The following ACVR1B variants were observed in gnomAD, a reference collection of about 807,000 sequenced individuals.
The protein encoded by ACVR1B is activin A receptor type 1B.
In ACVR1B, 15 loss-of-function variants were observed where a neutral mutation model predicts 55.6. The ratio of observed to expected loss-of-function variants is 0.27; its 90% CI spans 0.18 to 0.42. The LOEUF (loss-of-function observed/expected upper bound fraction) is 0.42. Among genes scored for constraint, ACVR1B ranks in the 10% least tolerant of loss-of-function variants. ACVR1B has a pLI of 1.00. For missense variants in ACVR1B, 359 were observed against 670.1 expected (o/e 0.54, Z 5.13); for synonymous variants, 247 against 254.6 (o/e 0.97, Z 0.28).
At chr12:51,978,416 AGGTTTCTAATAATGT>A (rs1941909807) in intron 3 of ACVR1B, among the ~76,000 whole-genome samples, 1 of 152,204 alleles carries the variant, frequency 6.6e-6, no homozygotes, top group African/African-American at 2.4e-5. Context: ...CCAAGGTGTT[AGGTTTCTAATAATGT>A]GGTTTTTAAA....
chr12:51,959,159 A>C (rs1226963230), intron 1 of ACVR1B, among the ~76,000 whole-genome samples: 2 of 152,356 alleles, frequency 1.3e-5, no homozygotes, highest in Admixed American at 1.3e-4. Flanking sequence ...TCAGGTATTC[A>C]GTCAAATGCT....
In ACVR1B at chr12:51,994,060, A is replaced by G; in HGVS notation, c.1468A>G (p.Ile490Val). ...NGAARLTALR[I>V]KKTLSQLSVQ... ...CGCAGCCCGCCTGACGGCCCTGCGC[A>G]TCAAGAAGACCCTCTCCCAGCTCAG... Residue 490 changes from isoleucine (I) to valine (V), a missense_variant, in exon 9 of 9, where the codon ATC (isoleucine) becomes GTC (valine). By Grantham distance (29) the Ile-to-Val change is conservative. This residue lies in a region of ACVR1B where 53 missense variants were observed against 78.5 expected (regional missense o/e 0.68). Transcript: ENST00000257963. The surrounding 1 kb of genome is among the most constrained non-coding windows in gnomAD (Gnocchi z 4.2). 6.2e-7 allele frequency: 1 copy of G among 1,614,136 alleles called. No individual in the cohort carries two copies. The highest frequency in any genetic ancestry group is 8.5e-7 in the Non-Finnish European group (1 of 1,180,044).
In ACVR1B at chr12:51,996,278, C is replaced by T. The variant is rs1266982604; in HGVS notation, c.*2168C>T. The T allele has an allele frequency of 6.6e-6, 1 of 152,634 alleles. No homozygotes were observed. Among genetic ancestry groups the T allele is most frequent in the Non-Finnish European group, 1.5e-5 (1 of 68,074 alleles). 9.5% of individuals were successfully genotyped at this position (152,634 alleles called of 1,614,324 possible). A position where few individuals can be genotyped will look rare whatever the true frequency, so the allele number is the denominator to read the frequency against. On this transcript the variant is annotated 3_prime_UTR_variant, in exon 9 of 9. Transcript: ENST00000257963. ...GTATGTAGCCTTAGAGCATCTCTGCCTCCAACCCAGCAGTTCTCTGCCAAA... is the reference window on the plus strand; with the variant it reads ...GTATGTAGCCTTAGAGCATCTCTGCTTCCAACCCAGCAGTTCTCTGCCAAA...
chr12:51,966,903 G>A (rs916989473), intron 1 of ACVR1B, among the ~76,000 whole-genome samples: 11 of 152,190 alleles, frequency 7.2e-5, no homozygotes, highest in Non-Finnish European at 1.3e-4. Context: ...TATAACTTGC[G>A]GAAGATTGCA....
At chr12:51,993,713 G>T (rs2854465) in intron 8 of ACVR1B, among the ~76,000 whole-genome samples, 2 of 143,866 alleles carry the variant, frequency 1.4e-5, no homozygotes, top group Non-Finnish European at 1.5e-5. Context: ...GTTGCGGTGA[G>T]CCAAGATTGC....
intron 7 of ACVR1B, among the ~76,000 whole-genome samples, chr12:51,989,976 T>TC (rs1942157736): frequency 7.0e-6 from 1 of 143,448 alleles, no homozygotes; most frequent in Admixed American, 6.9e-5. Flanking sequence ...CAGTGGAGAC[T>TC]CCGTCTCAAA....
intron 5 of ACVR1B, 81 bp downstream of exon 5, chr12:51,984,247 T>A (rs2120693295): frequency 6.6e-7 from 1 of 1,505,580 alleles, no homozygotes; most frequent in East Asian, 2.3e-5. Context: ...CTAGAATTCC[T>A]TTTTACTGAG....
At chr12:51,981,393 G>C (rs1941975235) in intron 4 of ACVR1B, among the ~76,000 whole-genome samples, 194 bp downstream of exon 4, 1 of 152,052 alleles carries the variant, frequency 6.6e-6, no homozygotes, top group Admixed American at 6.6e-5. Flanking sequence ...AAAAATCCAG[G>C]TTATCAAGCA....
intron 1 of ACVR1B, among the ~76,000 whole-genome samples, chr12:51,957,028 C>T (rs954435567): frequency 1.3e-5 from 2 of 152,104 alleles, no homozygotes; most frequent in Non-Finnish European, 2.9e-5. Flanking sequence ...CTGGGCTTCA[C>T]CTGCTGAGAT....
intron 3 of ACVR1B, 96 bp downstream of exon 3, chr12:51,976,671 TG>T (rs1438011123): frequency 1.1e-5 from 17 of 1,482,676 alleles, no homozygotes; most frequent in Non-Finnish European, 1.3e-5. Context: ...GCCCTGCATT[TG>T]TTTCTACCAG....
chr12:51,986,119 C>CCCAT (rs1942071380), intron 6 of ACVR1B, among the ~76,000 whole-genome samples: 1 of 152,156 alleles, frequency 6.6e-6, no homozygotes, highest in African/African-American at 2.4e-5. Context: ...TTAAGCTCAA[C>CCCAT]CCATCACTGT....
chr12:51,986,362 G>C (rs1942075957), intron 6 of ACVR1B, among the ~76,000 whole-genome samples: 1 of 152,214 alleles, frequency 6.6e-6, no homozygotes, highest in South Asian at 2.1e-4. Context: ...GGGTTCAAGT[G>C]ATTCTCCTGC....
At position 51,986,908 on chromosome 12, in the gene ACVR1B, A is replaced by T; in HGVS notation, c.1227A>T (p.Val409=). 6.2e-7 allele frequency: 1 copy of T among 1,614,202 alleles called. No homozygotes were observed. Among genetic ancestry groups the T allele is most frequent in the African/African-American group, 1.3e-5 (1 of 75,048 alleles). The change falls in exon 7 of 9, where the codon GTA becomes GTT. Residue 409 remains valine, a synonymous_variant. Coordinates refer to ENST00000257963, the MANE Select transcript of ACVR1B (RefSeq NM_004302.5). ...KCADIYALGL[V]YWEIARRCNS... Reference sequence around the variant, plus strand: ...CTGATATTTATGCCCTCGGGCTTGTATATTGGGAGATTGCTCGAAGATGCA... The same window carrying T: ...CTGATATTTATGCCCTCGGGCTTGTTTATTGGGAGATTGCTCGAAGATGCA...
intron 1 of ACVR1B, among the ~76,000 whole-genome samples, chr12:51,958,027 TGTG>T (rs1941446316): frequency 6.6e-6 from 1 of 152,162 alleles, no homozygotes; most frequent in Non-Finnish European, 1.5e-5. Flanking sequence ...TGGGAATGCA[TGTG>T]GTGGGTGTTT....
At chr12:51,960,402 A>T (rs1010630286) in intron 1 of ACVR1B, among the ~76,000 whole-genome samples, 1 of 152,178 alleles carries the variant, frequency 6.6e-6, no homozygotes, top group Non-Finnish European at 1.5e-5. Flanking sequence ...ACCCTGGGTG[A>T]CAGAGTGAGA....
chr12:51,989,383 C>G (rs2120735441), intron 7 of ACVR1B, among the ~76,000 whole-genome samples: 1 of 152,222 alleles, frequency 6.6e-6, no homozygotes, highest in East Asian at 1.9e-4. Context: ...CTCCTGGGTT[C>G]AAGCCAGTCT....
chr12:51,961,137 T>C (rs554142705), intron 1 of ACVR1B, among the ~76,000 whole-genome samples: 1 of 152,344 alleles, frequency 6.6e-6, no homozygotes, highest in Admixed American at 6.5e-5. Flanking sequence ...TCCTCTCTGC[T>C]TTTCCCCTCA....
chr12:51,956,071 ATCTT>A (rs1941403411), intron 1 of ACVR1B, among the ~76,000 whole-genome samples: 1 of 152,234 alleles, frequency 6.6e-6, no homozygotes, highest in South Asian at 2.1e-4. Flanking sequence ...TTCAGAGAGT[ATCTT>A]TCTTTCCTTT....
intron 4 of ACVR1B, among the ~76,000 whole-genome samples, chr12:51,981,480 C>T (rs1034879650): frequency 6.6e-6 from 1 of 152,196 alleles, no homozygotes; most frequent in Non-Finnish European, 1.5e-5. Context: ...TTTCTCCACT[C>T]CCCCAAACCC....
Sources: allele counts gnomAD v4.1 joint callset (sites outside exome capture counted in the v4.1 genomes callset), GRCh38; gene constraint gnomAD v4.1.1; regional missense constraint gnomAD v4.1.1; non-coding constraint Gnocchi (gnomAD v3.1); transcripts MANE v1.5; gene names NCBI Gene and HGNC (gene_info 2026-07-23, HGNC 2026-07-21).